The following GLMN variants were observed in gnomAD, a reference collection of about 807,000 sequenced individuals.
GLMN encodes glomulin.
Under a neutral mutation model 87.8 loss-of-function variants are expected in GLMN, and 75 were observed. The observed-to-expected ratio is 0.85, with a 90% CI of 0.71 to 1.04. GLMN has a LOEUF of 1.04. Ranked by LOEUF, GLMN falls within the 50% of genes least tolerant of loss-of-function variation. The pLI, the probability that GLMN is intolerant of heterozygous loss-of-function variation, is 0.00. For missense variants in GLMN, 588 were observed against 658.8 expected (o/e 0.89, Z 1.18); for synonymous variants, 206 against 221.6 (o/e 0.93, Z 0.63).
chr1:92,257,302 T>C (rs1359468299), intron 16 of GLMN, among the ~76,000 whole-genome samples: 1 of 152,106 alleles, frequency 6.6e-6, no homozygotes, highest in African/African-American at 2.4e-5. Flanking sequence ...GAATCAATAT[T>C]GTGAAAATGG....
At chr1:92,281,435 C>G (rs1023402078) in intron 7 of GLMN, among the ~76,000 whole-genome samples, 4 of 152,088 alleles carry the variant, frequency 2.6e-5, no homozygotes, top group African/African-American at 9.7e-5. Flanking sequence ...TTTTTGTCAC[C>G]ACCAGGCCTG....
chr1:92,270,355 C>T (rs976783275), intron 8 of GLMN, among the ~76,000 whole-genome samples: 1 of 152,174 alleles, frequency 6.6e-6, no homozygotes, highest in African/African-American at 2.4e-5. Flanking sequence ...TGCATCCCAC[C>T]TATGCCACAA....
intron 12 of GLMN, 99 bp from the exon 13 acceptor site, chr1:92,266,591 C>T (rs753569954): frequency 9.5e-7 from 1 of 1,049,036 alleles, no homozygotes; most frequent in Non-Finnish European, 1.4e-6. Context: ...ACACTTGTAC[C>T]TCCTAAATAA....
the GLMN span, among the ~76,000 whole-genome samples, chr1:92,352,545 A>G: frequency 6.6e-6 from 1 of 152,208 alleles, no homozygotes; most frequent in Non-Finnish European, 1.5e-5. Flanking sequence ...TTTATTGGTT[A>G]CAAGTATTCC....
chr1:92,323,785 G>A, the GLMN span: 1,417 of 1,614,026 alleles, frequency 8.8e-4, 2 homozygotes, highest in Non-Finnish European at 1.1e-3. Flanking sequence ...TGCTACATGT[G>A]AACTTCCTTT....
chr1:92,350,305 T>C, the GLMN span, among the ~76,000 whole-genome samples: 7,335 of 152,266 alleles, frequency 0.048, 611 homozygotes, highest in African/African-American at 0.17. Flanking sequence ...TTAATAAATG[T>C]TACAATTAAA....
chr1:92,264,664 T>A lies in GLMN; in HGVS notation c.1215-26A>T, dbSNP rs1388086885. ...CTTGAAAGCAAAATTACAATAGATG[T>A]GAAATTATCCTGGACAGCATTAGAA... On this transcript the variant is annotated intron_variant, in intron 13 of 18. Coordinates refer to ENST00000370360, the MANE Select transcript of GLMN (RefSeq NM_053274.3). 5 of 1,189,364 alleles carry A rather than the reference T, an allele frequency of 4.2e-6. No individual in the cohort carries two copies. The East Asian group carries it at 1.2e-4, about 28-fold the overall frequency. 73.7% of individuals were successfully genotyped at this position (1,189,364 alleles called of 1,614,324 possible). A position where few individuals can be genotyped will look rare whatever the true frequency, so the allele number is the denominator to read the frequency against.
At chr1:92,359,488 T>G in the GLMN span, among the ~76,000 whole-genome samples, 1 of 152,096 alleles carries the variant, frequency 6.6e-6, no homozygotes, top group African/African-American at 2.4e-5. Context: ...CCCGTCTAAT[T>G]TTTGTATTTT....
intron 7 of GLMN, among the ~76,000 whole-genome samples, chr1:92,280,833 A>G (rs566146673): frequency 1.3e-5 from 2 of 152,210 alleles, no homozygotes; most frequent in African/African-American, 4.8e-5. Flanking sequence ...ACAAGCTTCA[A>G]TAGCCGATTT....
the GLMN span, among the ~76,000 whole-genome samples, chr1:92,341,727 C>T: frequency 1.3e-5 from 2 of 152,220 alleles, no homozygotes; most frequent in Non-Finnish European, 2.9e-5. Flanking sequence ...TCACTGCAAC[C>T]TCCACCTCCT....
the GLMN span, among the ~76,000 whole-genome samples, chr1:92,362,149 A>G: frequency 6.6e-6 from 1 of 152,204 alleles, no homozygotes; most frequent in Non-Finnish European, 1.5e-5. Flanking sequence ...GGAGAAAAAA[A>G]TTATTCCCAG....
At chr1:92,360,523 G>T in the GLMN span, among the ~76,000 whole-genome samples, 1 of 152,116 alleles carries the variant, frequency 6.6e-6, no homozygotes, top group African/African-American at 2.4e-5. Flanking sequence ...GAGCATTTTG[G>T]TAGCAGAGGG....
At chr1:92,367,155 G>A in the GLMN span, among the ~76,000 whole-genome samples, 1 of 152,172 alleles carries the variant, frequency 6.6e-6, no homozygotes, top group Non-Finnish European at 1.5e-5. Context: ...CAAAGCTTCA[G>A]GTACTTCAGC....
At chr1:92,323,748 T>C in the GLMN span, 15,539 of 1,614,092 alleles carry the variant, frequency 9.6e-3, 1,140 homozygotes, top group African/African-American at 0.17. Flanking sequence ...AGTTAGGCGA[T>C]TGCAAATTAG....
At chr1:92,293,846 G>GA (rs1485581797) in intron 3 of GLMN, among the ~76,000 whole-genome samples, 1 of 152,166 alleles carries the variant, frequency 6.6e-6, no homozygotes, top group Non-Finnish European at 1.5e-5. Context: ...TTAAGTGAAA[G>GA]AAGTCAGGCA....
Position 92,247,444 on chromosome 1 carries a change from T to C in GLMN, c.1586-300A>G, listed in dbSNP as rs556771298. On this transcript the variant is annotated intron_variant, in intron 17 of 18. Coordinates refer to ENST00000370360, the MANE Select transcript of GLMN (RefSeq NM_053274.3). The stretch of plus-strand genomic sequence containing the variant: ...TATAGCCATTATACTAAAAACAAAA[T>C]TTCCGGTAATGCCTATAAAAGCACC... Among the ~76,000 whole-genome samples the C allele has an allele frequency of 5.3e-5, 8 of 152,310 alleles. No individual in the cohort carries two copies. In the East Asian group the frequency reaches 1.5e-3, roughly 29 times the overall value.
chr1:92,269,927 A>G, intron 8 of GLMN, 151 bp from the exon 9 acceptor site: 1 of 628,186 alleles, frequency 1.6e-6, no homozygotes, highest in Non-Finnish European at 2.9e-6. Context: ...CCTTATTTGG[A>G]GATAGGGTTA....
At chr1:92,367,582 A>C in the GLMN span, among the ~76,000 whole-genome samples, 1 of 152,204 alleles carries the variant, frequency 6.6e-6, no homozygotes, top group African/African-American at 2.4e-5. Flanking sequence ...CAGTCTTTAC[A>C]TCTTCATCAC....
the GLMN span, among the ~76,000 whole-genome samples, chr1:92,351,788 A>G: frequency 6.6e-6 from 1 of 152,230 alleles, no homozygotes; most frequent in Admixed American, 6.5e-5. Context: ...CCTATGTGCC[A>G]GAAGTGGGAA....
Sources: allele counts gnomAD v4.1 joint callset (sites outside exome capture counted in the v4.1 genomes callset), GRCh38; gene constraint gnomAD v4.1.1; transcripts MANE v1.5; gene names NCBI Gene and HGNC (gene_info 2026-07-23, HGNC 2026-07-21).